Variants in CDH18 observed in about 807,000 individuals in gnomAD.
CDH18 encodes cadherin-18.
Under a neutral mutation model 67.9 loss-of-function variants are expected in CDH18, and 31 were observed. That is an observed-to-expected ratio of 0.46 (90% confidence interval 0.34 to 0.62). The LOEUF is 0.62. Ranked by LOEUF, CDH18 falls within the 20% of genes least tolerant of loss-of-function variation. CDH18 has a pLI of 0.01. For missense variants in CDH18, 890 were observed against 975.5 expected, an observed-to-expected ratio of 0.91 and a Z score of 1.17; for synonymous variants, 362 against 347.2, an observed-to-expected ratio of 1.04 and a Z score of -0.48.
chr5:19,637,134 CTTTCTTTCTTTCTTTCTT>C (rs1014125830), intron 5 of CDH18, among the ~76,000 whole-genome samples: 7 of 150,282 alleles, frequency 4.7e-5, no homozygotes, highest in South Asian at 2.1e-4. Flanking sequence ...TTTTCTTTCT[CTTTCTTTCTTTCTTTCTT>C]TTTCTTTCTT....
intron 1 of CDH18, among the ~76,000 whole-genome samples, chr5:20,490,092 TTAA>T (rs1160457289): frequency 7.3e-5 from 11 of 150,636 alleles, no homozygotes; most frequent in African/African-American, 2.4e-4. Flanking sequence ...GTTAATATTA[TTAA>T]TAATACTAAT....
chr5:19,669,259 T>C (rs985931884), intron 5 of CDH18, among the ~76,000 whole-genome samples: 7 of 135,548 alleles, frequency 5.2e-5, no homozygotes, highest in Non-Finnish European at 7.5e-5. Flanking sequence ...ATATATAAAA[T>C]ATTATATTAT....
At chr5:19,787,225 C>T (rs1164441550) in intron 3 of CDH18, among the ~76,000 whole-genome samples, 1 of 152,094 alleles carries the variant, frequency 6.6e-6, no homozygotes, top group East Asian at 1.9e-4. Context: ...AGAGCCAAGG[C>T]AGGTGGATCA....
At chr5:20,434,240 G>C (rs1170482264) in intron 1 of CDH18, among the ~76,000 whole-genome samples, 1 of 151,990 alleles carries the variant, frequency 6.6e-6, no homozygotes, top group Admixed American at 6.6e-5. Context: ...GGTTAAATCA[G>C]GGAATTAAAA....
At chr5:19,648,503 A>T (rs148187455) in intron 5 of CDH18, among the ~76,000 whole-genome samples, 1 of 152,274 alleles carries the variant, frequency 6.6e-6, no homozygotes, top group African/African-American at 2.4e-5. Flanking sequence ...CATATCAGTG[A>T]TCAATTTTTA....
chr5:20,364,417 T>C (rs1742349095), intron 1 of CDH18, among the ~76,000 whole-genome samples: 3 of 152,214 alleles, frequency 2.0e-5, no homozygotes, highest in Non-Finnish European at 2.9e-5. Context: ...TGTAGGTATA[T>C]TTGTTGGCAA....
chr5:20,393,943 A>G (rs188107577), intron 1 of CDH18, among the ~76,000 whole-genome samples: 33 of 152,212 alleles, frequency 2.2e-4, no homozygotes, highest in African/African-American at 7.9e-4. Flanking sequence ...AGTCAGGCTC[A>G]TGGACTTCAT....
chr5:19,522,453 T>C (rs1747054413), intron 9 of CDH18, among the ~76,000 whole-genome samples: 1 of 152,138 alleles, frequency 6.6e-6, no homozygotes, highest in South Asian at 2.1e-4. Flanking sequence ...AGACAAAATG[T>C]CACAAATAAG....
rs568162648 is a variant in CDH18, at chr5:19,936,948, C to T, written c.-257+44112G>A. On this transcript the variant is annotated intron_variant, in intron 2 of 12. Transcript: ENST00000382275. ...TTGTGATTTTCAGTTTCAAAAAATA[C>T]TTCTTAGAGTAATAATACCACTGTA... Among the ~76,000 whole-genome samples, 411 of 151,202 alleles carry T rather than the reference C, an allele frequency of 2.7e-3. 3 individuals are homozygous for T. The highest frequency in any genetic ancestry group is 9.4e-3 in the African/African-American group (389 of 41,420).
chr5:19,617,115 G>C (rs1473557031), intron 5 of CDH18, among the ~76,000 whole-genome samples: 1 of 152,102 alleles, frequency 6.6e-6, no homozygotes, highest in Non-Finnish European at 1.5e-5. Flanking sequence ...ACCATATGTT[G>C]CTGAATAGGC....
intron 1 of CDH18, among the ~76,000 whole-genome samples, chr5:20,526,054 AG>A (rs1427393261): frequency 6.6e-6 from 1 of 151,450 alleles, no homozygotes; most frequent in Non-Finnish European, 1.5e-5. Context: ...TGCCAGTGCA[AG>A]GGAGGCTGGG....
At chr5:19,774,467 A>G (rs1429552716) in intron 3 of CDH18, among the ~76,000 whole-genome samples, 1 of 98,882 alleles carries the variant, frequency 1.0e-5, no homozygotes, top group East Asian at 3.1e-4. Flanking sequence ...AATCATAGTA[A>G]GGGGAAATAC....
intron 5 of CDH18, among the ~76,000 whole-genome samples, chr5:19,630,073 AT>A (rs2150176352): frequency 6.6e-6 from 1 of 152,118 alleles, no homozygotes; most frequent in East Asian, 1.9e-4. Context: ...AGTAGCTGGG[AT>A]TACAGGTGCC....
chr5:19,632,535 C>T (rs1003019979), intron 5 of CDH18, among the ~76,000 whole-genome samples: 2 of 152,308 alleles, frequency 1.3e-5, no homozygotes, highest in African/African-American at 4.8e-5. Context: ...TTTCCAAACA[C>T]AGGGCTATCT....
intron 3 of CDH18, among the ~76,000 whole-genome samples, chr5:19,770,764 T>C (rs781561629): frequency 2.6e-5 from 4 of 152,246 alleles, no homozygotes; most frequent in Admixed American, 6.5e-5. Context: ...TGCTATGTAC[T>C]CTTTTGTGTC....
intron 2 of CDH18, among the ~76,000 whole-genome samples, chr5:20,090,904 C>T (rs1435394185): frequency 6.6e-6 from 1 of 151,360 alleles, no homozygotes; most frequent in Non-Finnish European, 1.5e-5. Context: ...AAATAATTAG[C>T]CAGGTGTGGT....
At chr5:20,292,835 T>G (rs1747204792) in intron 1 of CDH18, among the ~76,000 whole-genome samples, 1 of 152,232 alleles carries the variant, frequency 6.6e-6, no homozygotes, top group South Asian at 2.1e-4. Flanking sequence ...GTTTCTCTAC[T>G]CTTCTTACAA....
intron 11 of CDH18, among the ~76,000 whole-genome samples, chr5:19,489,897 A>C (rs1741110618): frequency 6.6e-6 from 1 of 152,068 alleles, no homozygotes; most frequent in African/African-American, 2.4e-5. Context: ...TGAGCTTTTA[A>C]AATAAAGTCC....
chr5:20,015,870 G>C (rs1309044057), intron 2 of CDH18, among the ~76,000 whole-genome samples: 1 of 152,064 alleles, frequency 6.6e-6, no homozygotes, highest in Non-Finnish European at 1.5e-5. Context: ...AGGTAAGACT[G>C]GATGAAATTT....
Sources: gnomAD v4.1 joint callset for allele counts (sites outside exome capture counted in the v4.1 genomes callset) on GRCh38, gnomAD v4.1.1 for gene constraint, MANE v1.5 for transcripts, NCBI Gene and HGNC (gene_info 2026-07-23, HGNC 2026-07-21) for gene names.